EEF2K: variants seen among roughly 807,000 people sequenced by gnomAD.
The protein encoded by EEF2K is eukaryotic elongation factor 2 kinase.
EEF2K carries 70 observed loss-of-function variants against 93.8 expected under a neutral mutation model. The ratio of observed to expected loss-of-function variants is 0.75; its 90% CI spans 0.62 to 0.91. The LOEUF (loss-of-function observed/expected upper bound fraction) is 0.91. EEF2K is among the 40% of genes least tolerant of loss of function. EEF2K has a pLI of 0.00. For synonymous variants in EEF2K, 376 were observed against 380.8 expected (o/e 0.99, Z 0.15); for missense variants, 935 against 972.9 (o/e 0.96, Z 0.52).
chr16:22,249,821 G>T (rs760026897), intron 4 of EEF2K, among the ~76,000 whole-genome samples: 1 of 149,990 alleles, frequency 6.7e-6, no homozygotes, highest in African/African-American at 2.5e-5. Flanking sequence ...TGCTCTTGTT[G>T]CCCAGGCTGG....
intron 1 of EEF2K, among the ~76,000 whole-genome samples, chr16:22,207,218 G>A (rs563158794): frequency 6.6e-6 from 1 of 152,288 alleles, no homozygotes; most frequent in South Asian, 2.1e-4. Flanking sequence ...GCCGCGCGGG[G>A]GTGGGGGCCT....
chr16:22,212,675 G>A (rs1248821098), intron 1 of EEF2K, among the ~76,000 whole-genome samples: 1 of 152,140 alleles, frequency 6.6e-6, no homozygotes, highest in Non-Finnish European at 1.5e-5. Flanking sequence ...AAAAGGGGAA[G>A]AGAGGGTTGG....
intron 6 of EEF2K, among the ~76,000 whole-genome samples, chr16:22,254,964 A>C (rs1299637887): frequency 6.6e-6 from 1 of 152,134 alleles, no homozygotes; most frequent in Non-Finnish European, 1.5e-5. Context: ...CCAGCTACTC[A>C]AGAGGCTGAG....
intron 16 of EEF2K, 70 bp from the exon 17 acceptor site, chr16:22,280,128 T>A: frequency 7.2e-7 from 1 of 1,390,744 alleles, no homozygotes. Context: ...CCCCTCCTGC[T>A]GGAAGGCCCT....
intron 2 of EEF2K, among the ~76,000 whole-genome samples, chr16:22,237,645 G>A (rs1332642372): frequency 3.3e-5 from 5 of 151,230 alleles, no homozygotes; most frequent in African/African-American, 4.9e-5. Context: ...AAGAAAACTC[G>A]TCTAACCCAG....
At position 22,283,986 on chromosome 16, in the gene EEF2K, T is replaced by G; in HGVS notation, c.2168T>G (p.Met723Arg). Reference protein sequence around the residue: ...YQKAEEAWAQMEE With the variant: ...YQKAEEAWAQREE Reference sequence around the variant, plus strand: ...AAGGCTGAAGAGGCCTGGGCCCAGATGGAGGAGTAACCAGGAAAATCACTG... The same window carrying G: ...AAGGCTGAAGAGGCCTGGGCCCAGAGGGAGGAGTAACCAGGAAAATCACTG... Residue 723 changes from methionine (M) to arginine (R), a missense_variant, in exon 18 of 18, where the codon ATG (methionine) becomes AGG (arginine). By Grantham distance (91) the Met-to-Arg change is moderately conservative (BLOSUM62 -1). Coordinates refer to ENST00000263026, the MANE Select transcript of EEF2K (RefSeq NM_013302.5). The G allele has an allele frequency of 2.5e-6, 4 of 1,576,352 alleles. No homozygotes were observed. The highest frequency in any genetic ancestry group is 2.7e-5 in the African/African-American group (2 of 74,158).
intron 15 of EEF2K, among the ~76,000 whole-genome samples, chr16:22,269,380 T>C (rs2141682300): frequency 6.6e-6 from 1 of 152,246 alleles, no homozygotes; most frequent in South Asian, 2.1e-4. Context: ...AGGGCCCACC[T>C]AACATCCAGT....
At chr16:22,248,220 A>G (rs908588355) in intron 3 of EEF2K, among the ~76,000 whole-genome samples, 3 of 151,978 alleles carry the variant, frequency 2.0e-5, no homozygotes, top group Non-Finnish European at 2.9e-5. Context: ...ATGCACCACC[A>G]TGCTCGGCTA....
intron 2 of EEF2K, among the ~76,000 whole-genome samples, chr16:22,236,934 CTTTTTTTTTTTTTTT>C (rs71151665): frequency 3.6e-5 from 2 of 56,174 alleles, no homozygotes; most frequent in East Asian, 7.7e-4. Flanking sequence ...CCACAGACCT[CTTTTTTTTTTTTTTT>C]TTTTTTTTTT....
chr16:22,257,102 C>T lies in EEF2K; in HGVS notation c.769-151C>T. On this transcript the variant is annotated intron_variant, in intron 7 of 17. Coordinates refer to ENST00000263026, the MANE Select transcript of EEF2K (RefSeq NM_013302.5). ...CCACAGGACCTGCAGCCCAAGGTCCCTGCCCAACTGAAGAGGCCTTTTTCC... is the reference window on the plus strand; with the variant it reads ...CCACAGGACCTGCAGCCCAAGGTCCTTGCCCAACTGAAGAGGCCTTTTTCC... 2.1e-6 allele frequency: 3 copies of T among 1,417,860 alleles called. No individual in the cohort carries two copies. The Admixed American group carries it at 7.3e-5, about 34-fold the overall frequency. The allele number at this position is 1,417,860 out of a possible 1,614,324, so 87.8% of individuals were successfully genotyped here.
chr16:22,244,827 G>A, intron 3 of EEF2K, 97 bp downstream of exon 3: 1 of 1,271,930 alleles, frequency 7.9e-7, no homozygotes, highest in Non-Finnish European at 1.1e-6. Context: ...GGGGTCAGGG[G>A]AAGGGAGTAA....
chr16:22,275,703 C>G (rs556857376), intron 16 of EEF2K, among the ~76,000 whole-genome samples: 1 of 148,260 alleles, frequency 6.7e-6, no homozygotes, highest in Admixed American at 6.7e-5. Context: ...TGCAATGGCG[C>G]GATCTCGGCT....
Position 22,266,830 on chromosome 16 carries a change from T to C in EEF2K, c.1718T>C (p.Met573Thr). Reference sequence around the variant, plus strand: ...GAGGCCATCGTGGGCCTGGGACTCATGTACTCGCAGTTGCCTCATCACATC... The same window carrying C: ...GAGGCCATCGTGGGCCTGGGACTCACGTACTCGCAGTTGCCTCATCACATC... ...ELEAIVGLGLMYSQLPHHILA... is the reference protein window; with the variant it reads ...ELEAIVGLGLTYSQLPHHILA... Residue 573 changes from methionine (M) to threonine (T), a missense_variant, in exon 15 of 18, where the codon ATG becomes ACG. By Grantham distance (81) the Met-to-Thr change is moderately conservative (BLOSUM62 -1). Coordinates refer to ENST00000263026, the MANE Select transcript of EEF2K (RefSeq NM_013302.5). 1 of 1,613,932 alleles carries C rather than the reference T, an allele frequency of 6.2e-7. No homozygotes were observed. Among genetic ancestry groups the C allele is most frequent in the East Asian group, 2.2e-5 (1 of 44,876 alleles).
chr16:22,206,972 G>T (rs376419120), intron 1 of EEF2K, among the ~76,000 whole-genome samples: 10 of 152,316 alleles, frequency 6.6e-5, no homozygotes, highest in African/African-American at 2.4e-4. Context: ...CAGAGAGTTT[G>T]GGGGCCTCCC....
chr16:22,219,108 A>G (rs2046988504), intron 1 of EEF2K, among the ~76,000 whole-genome samples: 1 of 152,110 alleles, frequency 6.6e-6, no homozygotes, highest in East Asian at 1.9e-4. Flanking sequence ...GAACCCCAGG[A>G]TAGATAGAGA....
chr16:22,273,156 T>G (rs2047601470), intron 15 of EEF2K, among the ~76,000 whole-genome samples: 1 of 152,236 alleles, frequency 6.6e-6, no homozygotes, highest in Non-Finnish European at 1.5e-5. Context: ...GCTCCATGAC[T>G]GCTTCTACGG....
chr16:22,257,040 C>T, intron 7 of EEF2K, 143 bp downstream of exon 7: 1 of 1,417,746 alleles, frequency 7.1e-7, no homozygotes, highest in Non-Finnish European at 9.4e-7. Flanking sequence ...CAGAAGGAGA[C>T]CCGTCACCCC....
In EEF2K at chr16:22,261,456, A is replaced by AG. The variant is rs1598196176; in HGVS notation, c.1299+933dup. On this transcript the variant is annotated intron_variant, in intron 11 of 17. Coordinates refer to ENST00000263026, the MANE Select transcript of EEF2K (RefSeq NM_013302.5). ...GTAATCCCAGCACTTTGGCAGGCCA[A>AG]GGGGGGCAGATCACTTGAGGTCAGG... Among the ~76,000 whole-genome samples the AG allele has an allele frequency of 2.6e-5, 4 of 152,238 alleles. No individual in the cohort carries two copies. The South Asian group carries it at 6.2e-4, about 24-fold the overall frequency.
intron 1 of EEF2K, among the ~76,000 whole-genome samples, chr16:22,215,765 A>G (rs2046952261): frequency 6.6e-6 from 1 of 152,144 alleles, no homozygotes; most frequent in African/African-American, 2.4e-5. Context: ...TCTCTACTAA[A>G]AATACAAAAA....
Sources: allele counts gnomAD v4.1 joint callset (sites outside exome capture counted in the v4.1 genomes callset), GRCh38; gene constraint gnomAD v4.1.1; transcripts MANE v1.5; gene names NCBI Gene and HGNC (gene_info 2026-07-23, HGNC 2026-07-21).